The following FCSK variants were observed in gnomAD, a reference collection of about 807,000 sequenced individuals.
The protein encoded by FCSK is L-fucose kinase.
FCSK carries 123 observed loss-of-function variants against 122.5 expected under a neutral mutation model. The observed-to-expected ratio is 1.00, with a 90% CI of 0.87 to 1.17. FCSK has a LOEUF of 1.17. FCSK is among the 50% of genes most tolerant of loss of function. The pLI is 0.00. For synonymous variants in FCSK, 620 were observed against 625.5 expected, an observed-to-expected ratio of 0.99 and a Z score of 0.13; for missense variants, 1,366 against 1,450.4, an observed-to-expected ratio of 0.94 and a Z score of 0.95.
Position 70,479,760 on chromosome 16 carries a change from T to C in FCSK, c.*80T>C. On this transcript the variant is annotated 3_prime_UTR_variant, in exon 24 of 24. Coordinates refer to ENST00000288078, the MANE Select transcript of FCSK (RefSeq NM_145059.3). ...TCCTTGCCCCATGGGAACCTCCACC[T>C]CCTACTCCCCACCCACCTCTGCGAA... 1 of 1,069,502 alleles carries C rather than the reference T, an allele frequency of 9.4e-7. No homozygotes were observed. The highest frequency in any genetic ancestry group is 1.4e-6 in the Non-Finnish European group (1 of 723,264). The allele number at this position is 1,069,502 out of a possible 1,614,324, so 66.3% of individuals were successfully genotyped here.
rs1341443619 is a variant in FCSK at position 70,467,488 on chromosome 16, C to T, written c.582+17C>T. 5.1e-6 allele frequency: 8 copies of T among 1,565,172 alleles called. No individual in the cohort carries two copies. In the Middle Eastern group the frequency reaches 5.0e-4, roughly 98 times the overall value. ...GACCCCCAGGTAGTGCCCCTGGGGA[C>T]AGTGGAGCCGGCTGGGGCAGCCTTC... On this transcript the variant is annotated intron_variant, in intron 7 of 23. Coordinates refer to ENST00000288078, the MANE Select transcript of FCSK (RefSeq NM_145059.3).
chr16:70,467,419 C>T lies in FCSK; in HGVS notation c.530C>T (p.Pro177Leu). The T allele has an allele frequency of 6.2e-7, 1 of 1,610,990 alleles. No individual in the cohort carries two copies. Among genetic ancestry groups the T allele is most frequent in the Non-Finnish European group, 8.5e-7 (1 of 1,178,984 alleles). ...CGGGGAGCCAGAGTGATCGCCCTCC[C>T]AGGGAGCCCGGCCTACGCTCAGAAT... Reference protein sequence around the residue: ...SFRGARVIALPGSPAYAQNHG... With the variant: ...SFRGARVIALLGSPAYAQNHG... Residue 177 changes from proline (P) to leucine (L), a missense_variant, in exon 7 of 24, where the codon CCA (proline) becomes CTA (leucine). Transcript: ENST00000288078.
intron 1 of FCSK, 168 bp downstream of exon 1, chr16:70,454,798 GC>G (rs2151691857): frequency 6.6e-6 from 1 of 152,302 alleles, no homozygotes; most frequent in Non-Finnish European, 1.5e-5. Flanking sequence ...TGCCCCGGGA[GC>G]CCACAGGTGT....
In FCSK at chr16:70,473,156, G is replaced by A. The variant is rs569142534; in HGVS notation, c.1580G>A (p.Arg527His). 1.9e-5 allele frequency: 30 copies of A among 1,548,276 alleles called. No homozygotes were observed. Among genetic ancestry groups the A allele is most frequent in the South Asian group, 1.7e-4 (14 of 84,386 alleles). The change falls in exon 15 of 24, where the codon CGC (arginine) becomes CAC (histidine). Residue 527 changes from arginine (R) to histidine (H), a missense_variant. Physicochemically the swap from Arg to His is conservative, Grantham distance 29. Coordinates refer to ENST00000288078, the MANE Select transcript of FCSK (RefSeq NM_145059.3). This position sits in a 1 kb window ranked among gnomAD's most constrained non-coding sequence, Gnocchi z 4.9. ...EALRAWRASW[R>H]LSWEQLQPCL... ...CTGCGAGCCTGGCGGGCCTCCTGGC[G>A]CCTGTCCTGGGAGCAGCTGCAGCCG...
chr16:70,474,146 G>C lies in FCSK; in HGVS notation c.1795G>C (p.Asp599His). 6.4e-7 allele frequency: 1 copy of C among 1,551,486 alleles called. No individual in the cohort carries two copies. The highest frequency in any genetic ancestry group is 8.7e-7 in the Non-Finnish European group (1 of 1,147,710). ...TLDQVAAGAG[D>H]PGVAARALAC... ...TCCCTCAGTTGCAGCTGGGGCAGGA[G>C]ACCCTGGTGTGGCGGCACGGGCACT... Residue 599 changes from aspartate (D) to histidine (H), a missense_variant, in exon 16 of 24, where the codon GAC becomes CAC. Asp to His is a moderately conservative substitution (Grantham distance 81). Transcript: ENST00000288078.
In FCSK at chr16:70,474,172, G is replaced by A; in HGVS notation, c.1821G>A (p.Leu607=). 3 of 1,560,756 alleles carry A rather than the reference G, an allele frequency of 1.9e-6. No homozygotes were observed. Among genetic ancestry groups the A allele is most frequent in the Non-Finnish European group, 2.6e-6 (3 of 1,152,936 alleles). The change falls in exon 16 of 24, where the codon CTG becomes CTA. Residue 607 remains leucine (L), a synonymous_variant. Coordinates refer to ENST00000288078, the MANE Select transcript of FCSK (RefSeq NM_145059.3). ...AGDPGVAARA[L]ACVADVLGCM... is the part of the protein sequence containing the mutation. The stretch of plus-strand genomic sequence containing the variant: ...ACCCTGGTGTGGCGGCACGGGCACT[G>A]GCCTGTGTGGCGGACGTCCTGGGCT...
chr16:70,457,063 A>G (rs899324275), intron 1 of FCSK, among the ~76,000 whole-genome samples: 8 of 151,978 alleles, frequency 5.3e-5, no homozygotes, highest in Non-Finnish European at 7.4e-5. Flanking sequence ...ATCCTACAGG[A>G]AGCAGGAAGA....
chr16:70,475,157 A>ACCTGCAAAGATGACACGTGTC (rs2048764642), intron 18 of FCSK, 146 bp downstream of exon 18: 1 of 992,416 alleles, frequency 1.0e-6, no homozygotes, highest in African/African-American at 1.6e-5. Flanking sequence ...CTGGGAGTCA[A>ACCTGCAAAGATGACACGTGTC]CCTGCAAAGA....
chr16:70,476,656 G>A (rs2048828125), intron 20 of FCSK, among the ~76,000 whole-genome samples: 1 of 152,100 alleles, frequency 6.6e-6, no homozygotes, highest in Non-Finnish European at 1.5e-5. Flanking sequence ...GCACACCCCT[G>A]GAAAGAAACT....
chr16:70,469,948 G>A (rs2048558221), intron 10 of FCSK, among the ~76,000 whole-genome samples: 1 of 151,928 alleles, frequency 6.6e-6, no homozygotes, highest in Non-Finnish European at 1.5e-5. Flanking sequence ...AGGTTCAAGC[G>A]ATTCTCCTGC....
chr16:70,456,316 G>GATAAGAA (rs1311253391), intron 1 of FCSK, among the ~76,000 whole-genome samples: 1 of 152,246 alleles, frequency 6.6e-6, no homozygotes, highest in African/African-American at 2.4e-5. Context: ...GCTTCAGTGA[G>GATAAGAA]ATAAGAACCA....
At chr16:70,469,051 G>C (rs2048523211) in intron 9 of FCSK, 83 bp downstream of exon 9, 2 of 1,606,158 alleles carry the variant, frequency 1.2e-6, no homozygotes, top group Non-Finnish European at 1.7e-6. Context: ...TCCCCTCTCT[G>C]GGGCAGAGTC....
chr16:70,463,656 C>T lies in FCSK; in HGVS notation c.116C>T (p.Pro39Leu), dbSNP rs775768249. 1 of 1,613,526 alleles carries T rather than the reference C, an allele frequency of 6.2e-7. No homozygotes were observed. The highest frequency in any genetic ancestry group is 8.5e-7 in the Non-Finnish European group (1 of 1,180,036). Reference sequence around the variant, plus strand: ...GTGCGGCAGAAGCGGGAGCAGATCCCTGCTGGGACGCTGTTACTGGCCGTG... The same window carrying T: ...GTGCGGCAGAAGCGGGAGCAGATCCTTGCTGGGACGCTGTTACTGGCCGTG... Reference protein sequence around the residue: ...LEVRQKREQIPAGTLLLAVED... With the variant: ...LEVRQKREQILAGTLLLAVED... The change falls in exon 3 of 24, where the codon CCT becomes CTT. Residue 39 changes from proline (P) to leucine (L), a missense_variant. By Grantham distance (98) the Pro-to-Leu change is moderately conservative. Coordinates refer to ENST00000288078, the MANE Select transcript of FCSK (RefSeq NM_145059.3).
intron 1 of FCSK, among the ~76,000 whole-genome samples, chr16:70,461,132 C>G (rs1234528110): frequency 6.6e-6 from 1 of 152,214 alleles, no homozygotes. Context: ...TCAGCCTCTT[C>G]TCTTCTGGTG....
At position 70,474,906 on chromosome 16, in the gene FCSK, C is replaced by G. The variant is rs754558003; in HGVS notation, c.2272C>G (p.Pro758Ala). ...AGCCAGGGCACGCCGCATCCCGGAG[C>G]CTGAGCTGTGGCTGGCGGTGGGGCC... ...IGARARRIPE[P>A]ELWLAVGPRQ... The change falls in exon 18 of 24, where the codon CCT (proline) becomes GCT (alanine). Residue 758 changes from proline to alanine, a missense_variant. By Grantham distance (27) the Pro-to-Ala change is conservative (BLOSUM62 -1). Coordinates refer to ENST00000288078, the MANE Select transcript of FCSK (RefSeq NM_145059.3). The G allele has an allele frequency of 3.7e-6, 6 of 1,610,510 alleles. No homozygotes were observed. The highest frequency in any genetic ancestry group is 1.1e-5 in the South Asian group (1 of 90,628).
At chr16:70,459,083 C>T (rs1398527449) in intron 1 of FCSK, among the ~76,000 whole-genome samples, 1 of 151,762 alleles carries the variant, frequency 6.6e-6, no homozygotes, top group Non-Finnish European at 1.5e-5. Context: ...CTTAGCTAGG[C>T]ATGGTGGCAT....
intron 3 of FCSK, among the ~76,000 whole-genome samples, chr16:70,464,780 A>G (rs1249434712): frequency 1.3e-5 from 2 of 151,764 alleles, no homozygotes; most frequent in East Asian, 1.9e-4. Context: ...TAAGAGGCTG[A>G]GGTGGGAGGC....
chr16:70,466,024 G>A lies in FCSK; in HGVS notation c.286-108G>A, dbSNP rs2048407472. 2.6e-6 allele frequency: 3 copies of A among 1,150,428 alleles called. No individual in the cohort carries two copies. In the East Asian group the frequency reaches 7.2e-5, roughly 27 times the overall value. The allele number at this position is 1,150,428 out of a possible 1,614,324, so 71.3% of individuals were successfully genotyped here. On this transcript the variant is annotated intron_variant, in intron 4 of 23. Coordinates refer to ENST00000288078, the MANE Select transcript of FCSK (RefSeq NM_145059.3). ...TATATTGTAGGAGAAAATATCAAGA[G>A]AACATTTTTTATCAGCCCTCCACTG...
intron 20 of FCSK, 70 bp downstream of exon 20, chr16:70,475,837 T>G: frequency 7.0e-7 from 1 of 1,434,706 alleles, no homozygotes; most frequent in Non-Finnish European, 9.2e-7. Flanking sequence ...GGAGTGGGGC[T>G]CCCCTGGATT....
Sources: allele counts gnomAD v4.1 joint callset (sites outside exome capture counted in the v4.1 genomes callset), GRCh38; gene constraint gnomAD v4.1.1; non-coding constraint Gnocchi (gnomAD v3.1); transcripts MANE v1.5; gene names NCBI Gene and HGNC (gene_info 2026-07-23, HGNC 2026-07-21).